PPM1H: variants seen among roughly 807,000 people sequenced by gnomAD.
PPM1H encodes protein phosphatase, Mg2+/Mn2+ dependent 1H.
PPM1H carries 27 observed loss-of-function variants against 54.9 expected under a neutral mutation model. The observed-to-expected ratio is 0.49, with a 90% CI of 0.36 to 0.68. The LOEUF (loss-of-function observed/expected upper bound fraction) is 0.68. PPM1H is among the 30% of genes least tolerant of loss of function. The pLI is 0.00. For missense variants in PPM1H, 596 were observed against 667.8 expected, an observed-to-expected ratio of 0.89 and a Z score of 1.19; for synonymous variants, 305 against 270.8, an observed-to-expected ratio of 1.13 and a Z score of -1.24.
chr12:62,720,434 A>G (rs2120463571), intron 5 of PPM1H, 145 bp from the exon 6 acceptor site: 2 of 622,004 alleles, frequency 3.2e-6, no homozygotes, highest in Non-Finnish European at 5.6e-6. Context: ...TAGATTTCAG[A>G]GTTTAAACAC....
intron 4 of PPM1H, chr12:62,755,991 T>A: frequency 7.5e-7 from 1 of 1,330,692 alleles, no homozygotes; most frequent in South Asian, 1.2e-5. Flanking sequence ...CTGCCAAATA[T>A]GATGACATCA....
At chr12:62,693,859 G>T in intron 7 of PPM1H, 77 bp downstream of exon 7, 2 of 1,308,378 alleles carry the variant, frequency 1.5e-6, no homozygotes, top group Non-Finnish European at 2.2e-6. Context: ...TGGAACACAC[G>T]GACTGCCACG....
chr12:62,877,847 A>G (rs1870234036), intron 1 of PPM1H, among the ~76,000 whole-genome samples: 1 of 152,196 alleles, frequency 6.6e-6, no homozygotes, highest in Non-Finnish European at 1.5e-5. Context: ...TTTGCAGGAA[A>G]GCTTGCCCAG....
chr12:62,702,645 C>T (rs534408432), intron 6 of PPM1H, among the ~76,000 whole-genome samples: 218 of 151,714 alleles, frequency 1.4e-3, no homozygotes, highest in Non-Finnish European at 2.1e-3. Context: ...TTAAGAGGAA[C>T]GAGAGGAACG....
chr12:62,863,478 T>C (rs2120977861), intron 1 of PPM1H, among the ~76,000 whole-genome samples: 1 of 152,354 alleles, frequency 6.6e-6, no homozygotes, highest in African/African-American at 2.4e-5. Flanking sequence ...TGATCACCTA[T>C]ATTCCATTTC....
intron 2 of PPM1H, among the ~76,000 whole-genome samples, chr12:62,824,452 A>G (rs1300068909): frequency 1.3e-5 from 2 of 152,198 alleles, no homozygotes; most frequent in African/African-American, 4.8e-5. Flanking sequence ...AGACAATCCT[A>G]AGCAAAAAGA....
chr12:62,707,902 C>T (rs554584860), intron 6 of PPM1H, among the ~76,000 whole-genome samples: 1 of 152,232 alleles, frequency 6.6e-6, no homozygotes, highest in South Asian at 2.1e-4. Flanking sequence ...TGATACATAG[C>T]ATCTGATCTA....
intron 4 of PPM1H, among the ~76,000 whole-genome samples, chr12:62,741,407 A>G (rs1419596215): frequency 6.6e-6 from 1 of 152,174 alleles, no homozygotes; most frequent in African/African-American, 2.4e-5. Context: ...AGGTGATGTT[A>G]AAGCACCGCT....
At chr12:62,742,073 G>T (rs1565775081) in intron 4 of PPM1H, among the ~76,000 whole-genome samples, 2 of 151,498 alleles carry the variant, frequency 1.3e-5, no homozygotes, top group African/African-American at 2.4e-5. Flanking sequence ...CTCCTTAGTG[G>T]GCAAGGCAGG....
chr12:62,887,934 G>A (rs533444074), intron 1 of PPM1H, among the ~76,000 whole-genome samples: 2 of 152,244 alleles, frequency 1.3e-5, no homozygotes, highest in South Asian at 4.1e-4. Context: ...ACTGGAGCTG[G>A]GTGGCAATGC....
chr12:62,726,464 A>G (rs892474480), intron 5 of PPM1H, among the ~76,000 whole-genome samples: 11 of 152,216 alleles, frequency 7.2e-5, no homozygotes, highest in African/African-American at 2.4e-4. Context: ...GAAAAAAAAA[A>G]CCCTCTAAAA....
chr12:62,674,947 A>G (rs887411719), intron 8 of PPM1H, among the ~76,000 whole-genome samples: 1 of 152,180 alleles, frequency 6.6e-6, no homozygotes, highest in Non-Finnish European at 1.5e-5. Flanking sequence ...TAGGTGGCCA[A>G]TGGGGCTGCT....
intron 4 of PPM1H, among the ~76,000 whole-genome samples, chr12:62,742,487 C>T (rs547873711): frequency 1.1e-4 from 16 of 152,304 alleles, no homozygotes; most frequent in Admixed American, 7.2e-4. Context: ...GGGTTTCAAA[C>T]GGAACGAAAT....
At chr12:62,768,868 C>A (rs2076561410) in intron 4 of PPM1H, among the ~76,000 whole-genome samples, 1 of 152,110 alleles carries the variant, frequency 6.6e-6, no homozygotes, top group African/African-American at 2.4e-5. Context: ...CGGAGAGGCA[C>A]AAATCCTGTG....
At position 62,928,654 on chromosome 12, in the gene PPM1H, A is replaced by C. The variant is rs143883342; in HGVS notation, c.245+5838T>G. Among the ~76,000 whole-genome samples the C allele has an allele frequency of 3.7e-3, 563 of 152,344 alleles. 6 individuals are homozygous for C. Among genetic ancestry groups the C allele is most frequent in the Admixed American group, 0.01 (160 of 15,300 alleles). On this transcript the variant is annotated intron_variant, in intron 1 of 9. Transcript: ENST00000228705. ...GCGCCAATCCTGTTCCTTAAGCAAG[A>C]ATCCTGTTAAGTCAGGTTAGCAAGA... is the stretch of plus-strand genomic sequence containing the variant.
intron 1 of PPM1H, among the ~76,000 whole-genome samples, chr12:62,892,656 A>ATATT (rs1565821780): frequency 6.6e-6 from 1 of 152,220 alleles, no homozygotes. Flanking sequence ...TGTGTTTACC[A>ATATT]ACAGTATACA....
At chr12:62,798,187 G>C (rs1348344072) in intron 3 of PPM1H, among the ~76,000 whole-genome samples, 1 of 152,206 alleles carries the variant, frequency 6.6e-6, no homozygotes, top group Non-Finnish European at 1.5e-5. Context: ...GAATTTGAAG[G>C]CTTCAGTATT....
At chr12:62,901,415 CA>C (rs1871160996) in intron 1 of PPM1H, among the ~76,000 whole-genome samples, 1 of 152,346 alleles carries the variant, frequency 6.6e-6, no homozygotes, top group South Asian at 2.1e-4. Context: ...CTTGCCACTT[CA>C]CAGATGAAAT....
intron 9 of PPM1H, among the ~76,000 whole-genome samples, chr12:62,653,757 C>T (rs2075828246): frequency 6.6e-6 from 1 of 152,102 alleles, no homozygotes; most frequent in Non-Finnish European, 1.5e-5. Context: ...TTCATTTCAG[C>T]TTTTTGGCTT....
Sources: allele counts gnomAD v4.1 joint callset (sites outside exome capture counted in the v4.1 genomes callset), GRCh38; gene constraint gnomAD v4.1.1; transcripts MANE v1.5; gene names NCBI Gene and HGNC (gene_info 2026-07-23, HGNC 2026-07-21).